SOX6: variants seen among roughly 807,000 people sequenced by gnomAD.
SOX6 encodes SRY-box transcription factor 6.
Under a neutral mutation model 97.8 loss-of-function variants are expected in SOX6, and 11 were observed. The ratio of observed to expected loss-of-function variants is 0.11; its 90% CI spans 0.07 to 0.19. The LOEUF (loss-of-function observed/expected upper bound fraction) is 0.19, where lower values mean the gene tolerates loss of function less well. Among genes scored for constraint, SOX6 ranks in the 10% least tolerant of loss-of-function variants. The pLI is 1.00. For missense variants in SOX6, 810 were observed against 1,039.5 expected, an observed-to-expected ratio of 0.78 and a Z score of 3.04; for synonymous variants, 360 against 371.4, an observed-to-expected ratio of 0.97 and a Z score of 0.35.
chr11:16,341,214 C>G lies in SOX6; in HGVS notation c.35G>C (p.Cys12Ser). 2 of 1,613,332 alleles carry G rather than the reference C, an allele frequency of 1.2e-6. No homozygotes were observed. Among genetic ancestry groups the G allele is most frequent in the Non-Finnish European group, 1.7e-6 (2 of 1,179,538 alleles). Residue 12 changes from cysteine (C) to serine (S), a missense_variant, in exon 2 of 16, where the codon TGT (cysteine) becomes TCT (serine). By Grantham distance (112) the Cys-to-Ser change is moderately radical (BLOSUM62 -1). Around this residue, in one of 9 missense-constraint regions of SOX6, gnomAD observed 100 missense variants for 94.6 expected, o/e 1.06. Transcript: ENST00000683767. ...SSKQATSPFA[C>S]AADGEDAMTQ... ...CATTGCATCCTCTCCATCAGCTGCA[C>G]AGGCAAATGGAGAGGTGGCTTGCTT... is the stretch of plus-strand genomic sequence containing the variant.
chr11:16,275,952 A>T (rs146758944), intron 3 of SOX6, among the ~76,000 whole-genome samples: 14 of 152,326 alleles, frequency 9.2e-5, no homozygotes, highest in African/African-American at 3.4e-4. Flanking sequence ...AATAAATACT[A>T]TAACAGTTTT....
chr11:16,471,737 AT>A (rs1251987246), intron 1 of SOX6, among the ~76,000 whole-genome samples: 1 of 152,188 alleles, frequency 6.6e-6, no homozygotes, highest in East Asian at 1.9e-4. Flanking sequence ...CATCTGACTT[AT>A]CTTAGTCATA....
At chr11:16,313,487 G>A (rs1170065552) in intron 3 of SOX6, 1 of 152,104 alleles carries the variant, frequency 6.6e-6, no homozygotes, top group Non-Finnish European at 1.5e-5. Context: ...ACTTTTAGGT[G>A]TCCAATGAGA....
chr11:16,178,857 G>A (rs1487702936), intron 6 of SOX6, among the ~76,000 whole-genome samples: 4 of 151,894 alleles, frequency 2.6e-5, no homozygotes, highest in African/African-American at 9.7e-5. Context: ...ATGTGGGATT[G>A]AAGTCAGCTT....
intron 4 of SOX6, among the ~76,000 whole-genome samples, chr11:16,229,005 A>AAT: frequency 6.6e-6 from 1 of 152,294 alleles, no homozygotes; most frequent in South Asian, 2.1e-4. Flanking sequence ...AATATGTAAA[A>AAT]ATATTAAGCT....
chr11:16,482,584 C>A (rs370786645), intron 4 of SOX6, among the ~76,000 whole-genome samples: 1 of 152,142 alleles, frequency 6.6e-6, no homozygotes, highest in Non-Finnish European at 1.5e-5. Flanking sequence ...TAGGCAGGCT[C>A]ACTTTGTTCA....
At chr11:16,550,217 C>T (rs2133184051) in intron 4 of SOX6, among the ~76,000 whole-genome samples, 1 of 152,134 alleles carries the variant, frequency 6.6e-6, no homozygotes, top group African/African-American at 2.4e-5. Flanking sequence ...ATCACAAGGA[C>T]AGAAAACCAA....
intron 9 of SOX6, among the ~76,000 whole-genome samples, chr11:16,056,160 C>T (rs1376119999): frequency 1.3e-5 from 2 of 151,488 alleles, no homozygotes; most frequent in African/African-American, 4.8e-5. Context: ...CTTTAGAATT[C>T]AGGTTTTTTT....
chr11:16,284,910 T>C (rs1854687415), intron 3 of SOX6, among the ~76,000 whole-genome samples: 1 of 152,172 alleles, frequency 6.6e-6, no homozygotes, highest in Non-Finnish European at 1.5e-5. Flanking sequence ...ACACATGTCC[T>C]AAGGTCTAAA....
chr11:16,291,703 T>C (rs1397932318), intron 3 of SOX6, among the ~76,000 whole-genome samples: 1 of 152,112 alleles, frequency 6.6e-6, no homozygotes, highest in Non-Finnish European at 1.5e-5. Context: ...AATAATGCTA[T>C]TGTGAGGCAT....
rs1465236180 is a variant in SOX6, at chr11:16,720,045, G to C, written n.354-5140C>G. 2.6e-5 allele frequency among the ~76,000 whole-genome samples: 4 copies of C among 152,208 alleles called. No individual in the cohort carries two copies. In the South Asian group the frequency reaches 8.3e-4, roughly 32 times the overall value. ...CATGATCAAGTGGGCTTTATCCCTG[G>C]GATGCAAGGCTGGTTCAATATATGC... On this transcript the variant is annotated intron_variant and non_coding_transcript_variant, in intron 2 of 5. Transcript: ENST00000524520.
intron 4 of SOX6, among the ~76,000 whole-genome samples, chr11:16,538,201 C>A (rs1414628449): frequency 2.0e-5 from 3 of 152,116 alleles, no homozygotes; most frequent in Non-Finnish European, 2.9e-5. Context: ...ATTTTCCACC[C>A]AGAATTTCAT....
chr11:16,487,953 A>G (rs1860461214), intron 4 of SOX6, among the ~76,000 whole-genome samples: 1 of 152,208 alleles, frequency 6.6e-6, no homozygotes. Context: ...TAACAACTGC[A>G]TTATCAACTG....
intron 3 of SOX6, among the ~76,000 whole-genome samples, chr11:16,278,783 A>G (rs1854473048): frequency 6.6e-6 from 1 of 152,134 alleles, no homozygotes; most frequent in African/African-American, 2.4e-5. Context: ...GAAAATTCTT[A>G]TAGATTATTA....
At chr11:16,352,250 T>TGATG (rs3030887) in intron 1 of SOX6, among the ~76,000 whole-genome samples, 31,539 of 147,312 alleles carry the variant, frequency 0.21, 3,587 homozygotes, top group South Asian at 0.29. Flanking sequence ...AATGGGCAGA[T>TGATG]GATGGATGGA....
chr11:16,340,926 T>G, intron 2 of SOX6, 86 bp downstream of exon 2: 1 of 1,573,340 alleles, frequency 6.4e-7, no homozygotes, highest in South Asian at 1.1e-5. Flanking sequence ...AACTCTAAGG[T>G]CATCTATTTC....
intron 7 of SOX6, 36 bp from the exon 8 acceptor site, chr11:16,097,724 T>A (rs767370117): frequency 2.5e-6 from 4 of 1,568,968 alleles, no homozygotes; most frequent in Non-Finnish European, 3.5e-6. Flanking sequence ...GTTTAGACAA[T>A]GCACAGGGAA....
At chr11:15,974,531 C>A in intron 15 of SOX6, among the ~76,000 whole-genome samples, 1 of 111,758 alleles carries the variant, frequency 8.9e-6, no homozygotes. Context: ...CCAATGCTAT[C>A]CCTCCCCCCT....
intron 1 of SOX6, among the ~76,000 whole-genome samples, chr11:16,347,476 T>C (rs768108828): frequency 6.6e-6 from 1 of 152,138 alleles, no homozygotes; most frequent in Non-Finnish European, 1.5e-5. Context: ...ACAATGACTT[T>C]ATAGCTCAAC....
Sources: allele counts gnomAD v4.1 joint callset (sites outside exome capture counted in the v4.1 genomes callset), GRCh38; gene constraint gnomAD v4.1.1; regional missense constraint gnomAD v4.1.1; transcripts MANE v1.5; gene names NCBI Gene and HGNC (gene_info 2026-07-23, HGNC 2026-07-21).